Variants in ADGRL2 observed in about 807,000 individuals in gnomAD.
The protein encoded by ADGRL2 is calcium-independent alpha-latrotoxin receptor 2.
Under a neutral mutation model 157.4 loss-of-function variants are expected in ADGRL2, and 44 were observed. The ratio of observed to expected loss-of-function variants is 0.28; its 90% confidence interval spans 0.22 to 0.36. The LOEUF is 0.36. Among genes scored for constraint, ADGRL2 ranks in the 10% least tolerant of loss-of-function variants. The pLI is 1.00. For missense variants in ADGRL2, 1,510 were observed against 1,768.9 expected, an observed-to-expected ratio of 0.85 and a Z score of 2.63; for synonymous variants, 585 against 624.7, an observed-to-expected ratio of 0.94 and a Z score of 0.95.
At chr1:81,793,688 G>A (rs540026013) in intron 2 of ADGRL2, among the ~76,000 whole-genome samples, 20 of 151,964 alleles carry the variant, frequency 1.3e-4, no homozygotes, top group African/African-American at 4.8e-4. Context: ...ATTTCCTCCT[G>A]TACGGAAATA....
At chr1:81,680,825 T>C (rs970171570) in intron 3 of ADGRL2, among the ~76,000 whole-genome samples, 3 of 152,116 alleles carry the variant, frequency 2.0e-5, no homozygotes, top group African/African-American at 7.2e-5. Context: ...AACAACTGCA[T>C]GCATTTCCTG....
rs141137630 is a variant in ADGRL2 at position 81,780,335 on chromosome 1, T to G, written c.-101+18483T>G. Among the ~76,000 whole-genome samples, 83 of 152,264 alleles carry G rather than the reference T, an allele frequency of 5.5e-4. No individual in the cohort carries two copies. The East Asian group carries it at 0.016, about 29-fold the overall frequency. The stretch of plus-strand genomic sequence containing the variant: ...AAGCAGCATGAAATAGTAGAAAGCT[T>G]TGGGATGGAAGGTGGATTCTATTCC... On this transcript the variant is annotated intron_variant, in intron 2 of 20. Coordinates refer to the ADGRL2 transcript ENST00000359929.
At chr1:81,700,477 T>A (rs1479522933) in intron 1 of ADGRL2, among the ~76,000 whole-genome samples, 1 of 152,222 alleles carries the variant, frequency 6.6e-6, no homozygotes, top group East Asian at 1.9e-4. Context: ...AAATAAAACA[T>A]CATTTGTTAA....
chr1:81,783,610 T>A (rs746202172), intron 2 of ADGRL2, among the ~76,000 whole-genome samples: 16 of 152,288 alleles, frequency 1.1e-4, no homozygotes, highest in Non-Finnish European at 1.9e-4. Context: ...TTCAAAATGA[T>A]CATTTAAAAC....
chr1:81,926,363 G>T (rs1442777620), intron 3 of ADGRL2, among the ~76,000 whole-genome samples: 1 of 151,968 alleles, frequency 6.6e-6, no homozygotes, highest in Non-Finnish European at 1.5e-5. Context: ...ATTGGCAAGG[G>T]TTATAGGAAG....
chr1:81,640,074 A>T (rs1042177143), intron 3 of ADGRL2, among the ~76,000 whole-genome samples: 1 of 152,180 alleles, frequency 6.6e-6, no homozygotes, highest in Non-Finnish European at 1.5e-5. Flanking sequence ...CCTCCTGATA[A>T]TCATAGTAGT....
chr1:81,926,185 T>C (rs1006181532), intron 3 of ADGRL2, among the ~76,000 whole-genome samples: 3 of 151,968 alleles, frequency 2.0e-5, no homozygotes, highest in Non-Finnish European at 4.4e-5. Flanking sequence ...GGATGACCAA[T>C]CTAAAACTGA....
chr1:81,988,346 G>A (rs933065545), intron 23 of ADGRL2: 1 of 152,120 alleles, frequency 6.6e-6, no homozygotes, highest in African/African-American at 2.4e-5. Context: ...AGTGTATAGT[G>A]TTGTATTTAC....
intron 1 of ADGRL2, among the ~76,000 whole-genome samples, chr1:81,370,380 G>T (rs577836338): frequency 3.3e-5 from 5 of 152,100 alleles, no homozygotes; most frequent in African/African-American, 1.2e-4. Context: ...ATAGTACACT[G>T]TTTGTTGCTA....
intron 2 of ADGRL2, among the ~76,000 whole-genome samples, chr1:81,520,309 C>T (rs1557754063): frequency 6.6e-6 from 1 of 151,924 alleles, no homozygotes; most frequent in Non-Finnish European, 1.5e-5. Context: ...GTACTAAAAC[C>T]AATTATATTA....
chr1:81,616,262 G>C (rs1266384494), intron 3 of ADGRL2, among the ~76,000 whole-genome samples: 1 of 152,180 alleles, frequency 6.6e-6, no homozygotes, highest in Non-Finnish European at 1.5e-5. Context: ...GTTCAGAAAG[G>C]AGGAACAAGG....
chr1:81,797,612 T>A (rs2087655121), upstream of ADGRL2, among the ~76,000 whole-genome samples: 1 of 152,190 alleles, frequency 6.6e-6, no homozygotes, highest in Non-Finnish European at 1.5e-5. Context: ...TATTTCAGAT[T>A]CTTTGTTACT....
chr1:81,688,352 G>T (rs2083271465), intron 3 of ADGRL2, among the ~76,000 whole-genome samples: 1 of 151,924 alleles, frequency 6.6e-6, no homozygotes, highest in Non-Finnish European at 1.5e-5. Flanking sequence ...CTTCTTGGAG[G>T]CTTTGTTCAT....
rs1414856643 is a variant in ADGRL2 at position 81,991,755 on chromosome 1, CTAAAGAAATTATAT to C, written c.*612_*625del. On this transcript the variant is annotated 3_prime_UTR_variant, in exon 24 of 24. Transcript: ENST00000686636. ...AATGAACTATTCTCATGAAAAATGG[CTAAAGAAATTATAT>C]TTTGTTCTATTGCTAGGGTAAAATA... 1.3e-5 allele frequency: 2 copies of C among 152,482 alleles called. No individual in the cohort carries two copies. The highest frequency in any genetic ancestry group is 4.8e-5 in the African/African-American group (2 of 41,406). The allele number at this position is 152,482 out of a possible 1,614,324, so 9.4% of individuals were successfully genotyped here. A position where few individuals can be genotyped will look rare whatever the true frequency, so the allele number is the denominator to read the frequency against.
chr1:81,750,732 A>G (rs34459157), intron 1 of ADGRL2, among the ~76,000 whole-genome samples: 19,358 of 149,868 alleles, frequency 0.13, 1,287 homozygotes, highest in African/African-American at 0.17. Flanking sequence ...CAAAAAAAAC[A>G]AAAAACAAAA....
At chr1:81,836,445 T>G (rs942310438) in intron 1 of ADGRL2, among the ~76,000 whole-genome samples, 5 of 152,062 alleles carry the variant, frequency 3.3e-5, no homozygotes, top group African/African-American at 4.8e-5. Flanking sequence ...GTAAAACACT[T>G]GGACAGAACC....
At chr1:81,850,561 G>C (rs2092966770) in intron 2 of ADGRL2, among the ~76,000 whole-genome samples, 3 of 151,834 alleles carry the variant, frequency 2.0e-5, no homozygotes, top group Admixed American at 6.6e-5. Flanking sequence ...ACTGCTTCTT[G>C]AAAACAATGT....
At chr1:81,645,796 C>A (rs1214175797) in intron 3 of ADGRL2, among the ~76,000 whole-genome samples, 2 of 152,032 alleles carry the variant, frequency 1.3e-5, no homozygotes, top group African/African-American at 2.4e-5. Context: ...ATATTTCCCC[C>A]CTCTAATAAA....
intron 1 of ADGRL2, among the ~76,000 whole-genome samples, chr1:81,342,803 C>A (rs1662170247): frequency 6.6e-6 from 1 of 152,060 alleles, no homozygotes; most frequent in Non-Finnish European, 1.5e-5. Flanking sequence ...ATTTAGCCAA[C>A]TTTTCCTCTG....
Sources: gnomAD v4.1 joint callset for allele counts (sites outside exome capture counted in the v4.1 genomes callset) on GRCh38, gnomAD v4.1.1 for gene constraint, MANE v1.5 for transcripts, NCBI Gene and HGNC (gene_info 2026-07-23, HGNC 2026-07-21) for gene names.